Variants in NAV3 observed in about 807,000 individuals in gnomAD.
NAV3 encodes pore membrane and/or filament interacting like protein 1.
Under a neutral mutation model 244.7 loss-of-function variants are expected in NAV3, and 87 were observed. That is an observed-to-expected ratio of 0.36 (90% confidence interval 0.30 to 0.42). NAV3 has a LOEUF of 0.42. Among genes scored for constraint, NAV3 ranks in the 20% least tolerant of loss-of-function variants. The pLI, the probability that NAV3 is intolerant of heterozygous loss-of-function variation, is 1.00. For missense variants in NAV3, 2,663 were observed against 2,893.3 expected (o/e 0.92, Z 1.83); for synonymous variants, 1,126 against 1,042.2 (o/e 1.08, Z -1.55).
chr12:77,823,310 C>A (rs898441743), intron 2 of NAV3, among the ~76,000 whole-genome samples: 10 of 152,062 alleles, frequency 6.6e-5, no homozygotes, highest in Non-Finnish European at 1.5e-5. Context: ...CAGAGAGACA[C>A]AGAGAGAGAT....
chr12:77,972,151 G>A (rs1306266602), intron 5 of NAV3, among the ~76,000 whole-genome samples: 2 of 152,042 alleles, frequency 1.3e-5, no homozygotes, highest in African/African-American at 4.8e-5. Context: ...TGTATCTATA[G>A]GTGCATGGGT....
intron 1 of NAV3, among the ~76,000 whole-genome samples, chr12:77,876,160 G>A (rs904305618): frequency 5.9e-5 from 9 of 151,810 alleles, no homozygotes; most frequent in Non-Finnish European, 1.2e-4. Flanking sequence ...TTTTATAGTC[G>A]ATCGTTTTGG....
chr12:77,590,988 C>T (rs1189672078), intron 2 of NAV3, among the ~76,000 whole-genome samples: 1 of 152,132 alleles, frequency 6.6e-6, no homozygotes, highest in Non-Finnish European at 1.5e-5. Context: ...GTAAGAATGG[C>T]TCAGGAAATA....
chr12:77,902,345 C>A (rs531473902), intron 1 of NAV3, among the ~76,000 whole-genome samples: 2 of 152,242 alleles, frequency 1.3e-5, no homozygotes, highest in South Asian at 4.1e-4. Flanking sequence ...GTAAACAGAC[C>A]ATGATTTTGA....
chr12:77,904,311 G>A (rs1885691053), intron 1 of NAV3, among the ~76,000 whole-genome samples: 1 of 152,120 alleles, frequency 6.6e-6, no homozygotes, highest in Non-Finnish European at 1.5e-5. Flanking sequence ...ATACTATGCA[G>A]CCATAAAAAA....
In NAV3 at chr12:78,185,584, CT is replaced by C. The variant is rs2139802415; in HGVS notation, c.5693-13del. 1 of 1,601,548 alleles carries C rather than the reference CT, an allele frequency of 6.2e-7. No individual in the cohort carries two copies. The highest frequency in any genetic ancestry group is 1.1e-5 in the South Asian group (1 of 90,616). Reference sequence around the variant, plus strand: ...ATGTTATACTGTTGTGTATGTCTTTCTTTTAAAATTTGATAGATATTTTGCT... The same window carrying C: ...ATGTTATACTGTTGTGTATGTCTTTCTTTAAAATTTGATAGATATTTTGCT... On this transcript the variant is annotated splice_polypyrimidine_tract_variant and intron_variant, in intron 30 of 39. Coordinates refer to ENST00000397909, the MANE Select transcript of NAV3 (RefSeq NM_001024383.2).
At chr12:77,722,514 G>T (rs1876684272) in intron 2 of NAV3, among the ~76,000 whole-genome samples, 2 of 151,922 alleles carry the variant, frequency 1.3e-5, no homozygotes, top group South Asian at 4.1e-4. Flanking sequence ...GATTATTATG[G>T]GCCTAGTTGT....
At chr12:77,894,865 A>C (rs1161989848) in intron 1 of NAV3, among the ~76,000 whole-genome samples, 4 of 152,168 alleles carry the variant, frequency 2.6e-5, no homozygotes, top group Non-Finnish European at 5.9e-5. Flanking sequence ...TTTTATGTAA[A>C]AGTTTCAAGT....
At chr12:77,885,111 C>A (rs1883123209) in intron 1 of NAV3, among the ~76,000 whole-genome samples, 1 of 152,056 alleles carries the variant, frequency 6.6e-6, no homozygotes, top group Admixed American at 6.6e-5. Flanking sequence ...TAAGGTTAAT[C>A]AGTCTCATCA....
intron 5 of NAV3, among the ~76,000 whole-genome samples, chr12:77,987,838 A>G (rs1870789678): frequency 6.6e-6 from 1 of 152,198 alleles, no homozygotes; most frequent in Non-Finnish European, 1.5e-5. Context: ...CATTTGCTAT[A>G]CAAGAAGGAA....
At chr12:77,985,368 G>A (rs1309763740) in intron 5 of NAV3, among the ~76,000 whole-genome samples, 1 of 152,140 alleles carries the variant, frequency 6.6e-6, no homozygotes, top group Non-Finnish European at 1.5e-5. Context: ...CAATATCTAT[G>A]TCTATGTGCC....
At chr12:77,610,491 AGATGT>A (rs1381179941) in intron 2 of NAV3, among the ~76,000 whole-genome samples, 1 of 152,032 alleles carries the variant, frequency 6.6e-6, no homozygotes, top group East Asian at 1.9e-4. Flanking sequence ...ATGTTGAAAG[AGATGT>A]GTCAGTTTGT....
At chr12:78,189,950 A>G in intron 33 of NAV3, 34 bp from the exon 34 acceptor site, 1 of 1,506,630 alleles carries the variant, frequency 6.6e-7, no homozygotes, top group Non-Finnish European at 9.2e-7. Context: ...ATGTAGAACA[A>G]TAAATCATGC....
chr12:78,202,866 T>G (rs2140061845), intron 38 of NAV3, among the ~76,000 whole-genome samples: 1 of 152,228 alleles, frequency 6.6e-6, no homozygotes, highest in South Asian at 2.1e-4. Flanking sequence ...GAATTATATC[T>G]GTCGTGATCC....
intron 13 of NAV3, 62 bp from the exon 14 acceptor site, chr12:78,117,965 C>A (rs2138558355): frequency 7.0e-7 from 1 of 1,422,470 alleles, no homozygotes; most frequent in South Asian, 1.6e-5. Context: ...CATTTCATTG[C>A]CTTAATTCAT....
intron 12 of NAV3, among the ~76,000 whole-genome samples, chr12:78,105,738 C>G (rs1954769310): frequency 6.6e-6 from 1 of 151,806 alleles, no homozygotes; most frequent in Non-Finnish European, 1.5e-5. Flanking sequence ...AAGGTTTCTT[C>G]ATCAAGTTGG....
At chr12:77,839,659 TATA>T (rs1390710397) in intron 1 of NAV3, among the ~76,000 whole-genome samples, 3 of 152,226 alleles carry the variant, frequency 2.0e-5, no homozygotes, top group Admixed American at 2.0e-4. Flanking sequence ...CTACTAGTAT[TATA>T]ATATTATAAA....
At chr12:78,104,035 A>G (rs958872342) in intron 12 of NAV3, among the ~76,000 whole-genome samples, 3 of 152,246 alleles carry the variant, frequency 2.0e-5, no homozygotes, top group Non-Finnish European at 4.4e-5. Context: ...AGTGAACAGT[A>G]TTCTTATGAT....
chr12:77,884,700 C>T (rs1883072899), intron 1 of NAV3, among the ~76,000 whole-genome samples: 1 of 152,056 alleles, frequency 6.6e-6, no homozygotes, highest in African/African-American at 2.4e-5. Flanking sequence ...TCCCTTAATT[C>T]AAAAACCAGT....
Sources: gnomAD v4.1 joint callset for allele counts (sites outside exome capture counted in the v4.1 genomes callset) on GRCh38, gnomAD v4.1.1 for gene constraint, MANE v1.5 for transcripts, NCBI Gene and HGNC (gene_info 2026-07-23, HGNC 2026-07-21) for gene names.